MYH9: variants seen among roughly 807,000 people sequenced by gnomAD.
MYH9 encodes the protein myosin heavy chain 9.
A neutral mutation model predicts 241.9 loss-of-function variants in MYH9; 29 were observed. The ratio of observed to expected loss-of-function variants is 0.12; its 90% CI spans 0.09 to 0.16. MYH9 has a LOEUF of 0.16. MYH9 is among the 10% of genes least tolerant of loss of function. The pLI is 1.00. For synonymous variants in MYH9, 1,047 were observed against 1,062.6 expected, an observed-to-expected ratio of 0.99 and a Z score of 0.29; for missense variants, 1,803 against 2,595.5, an observed-to-expected ratio of 0.69 and a Z score of 6.63.
chr22:36,352,137 C>T (rs1375530680), intron 1 of MYH9, among the ~76,000 whole-genome samples: 1 of 152,184 alleles, frequency 6.6e-6, no homozygotes, highest in Non-Finnish European at 1.5e-5. Context: ...TGCCTGGGGT[C>T]CCTCGGAAGC....
Position 36,281,385 on chromosome 22 carries a change from A to G in MYH9, c.*1283T>C, listed in dbSNP as rs1242414903. 2 of 225,644 alleles carry G rather than the reference A, an allele frequency of 8.9e-6. No homozygotes were observed. The highest frequency in any genetic ancestry group is 4.5e-5 in the African/African-American group (2 of 44,860). 14.0% of individuals were successfully genotyped at this position (225,644 alleles called of 1,614,324 possible). ...CATGCTAAGGCACTTTTATTATATAAAAAAGGGGGTAGGGTGGGAGTTTCA... is the reference window on the plus strand; with the variant it reads ...CATGCTAAGGCACTTTTATTATATAGAAAAGGGGGTAGGGTGGGAGTTTCA... On this transcript the variant is annotated 3_prime_UTR_variant, in exon 41 of 41. Transcript: ENST00000216181.
intron 1 of MYH9, 26 bp downstream of exon 1, chr22:36,387,776 CCGGGG>C (rs1279703846): frequency 6.6e-6 from 1 of 152,104 alleles, no homozygotes; most frequent in African/African-American, 2.4e-5. Flanking sequence ...CGCCGCCTGC[CCGGGG>C]CGGGACCGCG....
intron 5 of MYH9, among the ~76,000 whole-genome samples, chr22:36,324,636 A>C (rs2017307293): frequency 6.6e-6 from 1 of 152,228 alleles, no homozygotes; most frequent in African/African-American, 2.4e-5. Flanking sequence ...CTGGCTCCCA[A>C]ACCAATTCAA....
intron 1 of MYH9, among the ~76,000 whole-genome samples, chr22:36,359,611 C>T (rs1170401959): frequency 6.6e-6 from 1 of 152,174 alleles, no homozygotes; most frequent in African/African-American, 2.4e-5. Context: ...ATAGTTCAAC[C>T]ATCTCTGTTT....
chr22:36,364,416 A>G (rs534332916), intron 1 of MYH9, among the ~76,000 whole-genome samples: 4 of 152,022 alleles, frequency 2.6e-5, no homozygotes, highest in African/African-American at 9.7e-5. Context: ...CTCCAGTCAA[A>G]TCTGCGTCAC....
At chr22:36,283,964 G>A in intron 40 of MYH9, 129 bp downstream of exon 40, 1 of 1,104,966 alleles carries the variant, frequency 9.1e-7, no homozygotes, top group Non-Finnish European at 1.4e-6. Flanking sequence ...GAGCCAGAAG[G>A]GGCAGGGATT....
At position 36,381,670 on chromosome 22, in the gene MYH9, G is replaced by A. The variant is rs118142948; in HGVS notation, c.-20+6137C>T. 1.2e-3 allele frequency among the ~76,000 whole-genome samples: 187 copies of A among 152,198 alleles called. 1 individual carries two copies. Among genetic ancestry groups the A allele is most frequent in the Middle Eastern group, 0.01 (3 of 294 alleles). On this transcript the variant is annotated intron_variant, in intron 1 of 40. Transcript: ENST00000216181. Reference sequence around the variant, plus strand: ...TTACATACCATGTTTTACACAAAACGAAGCACCATTTACACTACTTTGCGT... The same window carrying A: ...TTACATACCATGTTTTACACAAAACAAAGCACCATTTACACTACTTTGCGT...
At chr22:36,355,701 G>A (rs1435713687) in intron 1 of MYH9, among the ~76,000 whole-genome samples, 1 of 152,132 alleles carries the variant, frequency 6.6e-6, no homozygotes, top group African/African-American at 2.4e-5. Context: ...TCATTTTACA[G>A]GTGGGGGAAA....
At position 36,305,899 on chromosome 22, in the gene MYH9, CAGG is replaced by C; in HGVS notation, c.2159+28_2159+30del. On this transcript the variant is annotated intron_variant, in intron 17 of 40. Transcript: ENST00000216181. The surrounding 1 kb of genome is among the most constrained non-coding windows in gnomAD (Gnocchi z 4.7). ...GACTCACTGCACGCACAGCAGGGCC[CAGG>C]AGAAGCGGGCTCCGGGCCCTGGCTC... The C allele has an allele frequency of 6.2e-7, 1 of 1,612,198 alleles. No homozygotes were observed. The highest frequency in any genetic ancestry group is 1.7e-4 in the Middle Eastern group (1 of 5,982).
At chr22:36,286,524 A>G (rs1447397144) in intron 35 of MYH9, among the ~76,000 whole-genome samples, 194 bp downstream of exon 35, 1 of 152,156 alleles carries the variant, frequency 6.6e-6, no homozygotes, top group African/African-American at 2.4e-5. Flanking sequence ...TCACACACAC[A>G]CACACTCTGA....
chr22:36,339,842 A>G (rs2017555446), intron 3 of MYH9, among the ~76,000 whole-genome samples: 1 of 152,194 alleles, frequency 6.6e-6, no homozygotes, highest in Non-Finnish European at 1.5e-5. Context: ...AAGCTCTGAG[A>G]ATATAAAGGC....
intron 1 of MYH9, among the ~76,000 whole-genome samples, chr22:36,377,538 C>T (rs2018188004): frequency 6.6e-6 from 1 of 152,176 alleles, no homozygotes; most frequent in Non-Finnish European, 1.5e-5. Flanking sequence ...GGGCGAGTTC[C>T]AGCAGGTTCC....
rs534800664 is a variant in MYH9 at position 36,384,670 on chromosome 22, G to A, written c.-20+3137C>T. On this transcript the variant is annotated intron_variant, in intron 1 of 40. Transcript: ENST00000216181. Reference sequence around the variant, plus strand: ...TATATATACAGCCACTACATATTAGGCCATGTACATACCTTATTTCTTTCA... The same window carrying A: ...TATATATACAGCCACTACATATTAGACCATGTACATACCTTATTTCTTTCA... 1.1e-3 allele frequency among the ~76,000 whole-genome samples: 133 copies of A among 115,822 alleles called. 2 individuals carry two copies. The highest frequency in any genetic ancestry group is 0.014 in the Middle Eastern group (2 of 140). 76.0% of individuals were successfully genotyped at this position (115,822 alleles called of 152,430 possible).
rs954469191 is a variant in MYH9 at position 36,330,438 on chromosome 22, T to C, written c.491-2950A>G. Among the ~76,000 whole-genome samples the C allele has an allele frequency of 6.6e-6, 1 of 152,216 alleles. No individual in the cohort carries two copies. Among genetic ancestry groups the C allele is most frequent in the Non-Finnish European group, 1.5e-5 (1 of 68,038 alleles). On this transcript the variant is annotated intron_variant, in intron 3 of 40. Coordinates refer to ENST00000216181, the MANE Select transcript of MYH9 (RefSeq NM_002473.6). This position sits in a 1 kb window ranked among gnomAD's most constrained non-coding sequence, Gnocchi z 4.5. The stretch of plus-strand genomic sequence containing the variant: ...GTCTGTTATCTTGTGTGGCCTCCAA[T>C]AACCTTACAAGGTATTGTATTGTAA...
At chr22:36,376,977 C>T (rs567043460) in intron 1 of MYH9, among the ~76,000 whole-genome samples, 1 of 151,832 alleles carries the variant, frequency 6.6e-6, no homozygotes, top group East Asian at 1.9e-4. Context: ...GCAGGTGAAT[C>T]GCTTGAACCC....
intron 19 of MYH9, among the ~76,000 whole-genome samples, chr22:36,302,946 C>A (rs2239787): frequency 0.031 from 4,719 of 152,236 alleles, 93 homozygotes; most frequent in South Asian, 0.072. Flanking sequence ...GGTGAAGGCA[C>A]GTGTGAAGTA....
At position 36,288,158 on chromosome 22, in the gene MYH9, C is replaced by T; in HGVS notation, c.4932+94G>A. 6.6e-7 allele frequency: 1 copy of T among 1,518,224 alleles called. No individual in the cohort carries two copies. The highest frequency in any genetic ancestry group is 1.1e-5 in the South Asian group (1 of 88,164). 94.0% of individuals were successfully genotyped at this position (1,518,224 alleles called of 1,614,324 possible). ...ACCTTCCCAGGAGGTGCCACCCTGC[C>T]AGGTTCCCGCCCTGGGCCGAGCCCT... On this transcript the variant is annotated intron_variant, in intron 34 of 40. Coordinates refer to ENST00000216181, the MANE Select transcript of MYH9 (RefSeq NM_002473.6). The surrounding 1 kb of genome is among the most constrained non-coding windows in gnomAD (Gnocchi z 4.8).
At chr22:36,343,838 C>G (rs1334464346) in intron 2 of MYH9, among the ~76,000 whole-genome samples, 1 of 152,142 alleles carries the variant, frequency 6.6e-6, no homozygotes, top group Non-Finnish European at 1.5e-5. Flanking sequence ...GGCCAGGGAG[C>G]AGCAAGGTCA....
rs775017137 is a variant in MYH9, at chr22:36,288,702, T to C, written c.4770+25A>G. On this transcript the variant is annotated intron_variant, in intron 33 of 40. Transcript: ENST00000216181. The surrounding 1 kb of genome is among the most constrained non-coding windows in gnomAD (Gnocchi z 4.8). ...AAGCCAAGGCAGCCTTGGGCACCCA[T>C]GGGGTAGCAGGAGGCCATGCACACC... The C allele has an allele frequency of 2.5e-6, 4 of 1,599,814 alleles. No individual in the cohort carries two copies. The Admixed American group carries it at 6.7e-5, about 27-fold the overall frequency.
Sources: allele counts gnomAD v4.1 joint callset (sites outside exome capture counted in the v4.1 genomes callset), GRCh38; gene constraint gnomAD v4.1.1; non-coding constraint Gnocchi (gnomAD v3.1); transcripts MANE v1.5; gene names NCBI Gene and HGNC (gene_info 2026-07-23, HGNC 2026-07-21).